Variants in CLCN5 observed in about 807,000 individuals in gnomAD.
The protein encoded by CLCN5 is Cl-/H+ antiporter 5, also known as H(+)/Cl(-) exchange transporter 5.
Under a neutral mutation model 54.0 loss-of-function variants are expected in CLCN5, and 17 were observed. The observed-to-expected ratio is 0.31, with a 90% CI of 0.22 to 0.47. The LOEUF is 0.47. CLCN5 is among the 20% of genes least tolerant of loss of function. The pLI, the probability that CLCN5 is intolerant of heterozygous loss-of-function variation, is 1.00. For missense variants in CLCN5, 448 were observed against 646.7 expected (o/e 0.69, Z 3.33); for synonymous variants, 222 against 233.0 (o/e 0.95, Z 0.43).
chrX:49,988,141 C>T (rs1251041171), intron 3 of CLCN5, among the ~76,000 whole-genome samples: 7 of 111,237 alleles, frequency 6.3e-5, no homozygotes, highest in Non-Finnish European at 1.3e-4. Flanking sequence ...CTTTTTATGT[C>T]TGGCCTCCAG....
At position 50,090,207 on chromosome X, in the gene CLCN5, C is replaced by G; in HGVS notation, c.1836C>G (p.Ala612=). 2 of 1,211,462 alleles carry G rather than the reference C, an allele frequency of 1.7e-6. No homozygotes were observed. The highest frequency in any genetic ancestry group is 2.2e-6 in the Non-Finnish European group (2 of 895,188). ...LEYIVPLMAA[A]MTSKWVADAL... Reference sequence around the variant, plus strand: ...ACATCGTGCCTCTGATGGCTGCAGCCATGACAAGCAAGTGGGTGGCAGATG... The same window carrying G: ...ACATCGTGCCTCTGATGGCTGCAGCGATGACAAGCAAGTGGGTGGCAGATG... Residue 612 remains alanine (A), a synonymous_variant, in exon 13 of 15, where the codon GCC becomes GCG. Transcript: ENST00000376091.
intron 3 of CLCN5, among the ~76,000 whole-genome samples, chrX:50,006,413 T>C (rs1930151200): frequency 9.0e-6 from 1 of 111,291 alleles, no homozygotes; most frequent in African/African-American, 3.3e-5. Flanking sequence ...GAGCAGAGAG[T>C]GCCTGTCACC....
At chrX:49,923,827 A>G (rs1925193563) in intron 2 of CLCN5, 1 of 112,338 alleles carries the variant, frequency 8.9e-6, no homozygotes, top group South Asian at 3.6e-4. Flanking sequence ...GGACTGGTGT[A>G]CACATTAACC....
intron 3 of CLCN5, among the ~76,000 whole-genome samples, chrX:50,027,331 T>C (rs1931460490): frequency 8.9e-6 from 1 of 111,748 alleles, no homozygotes; most frequent in South Asian, 3.7e-4. Context: ...TGTATTTCTT[T>C]CTTCTCCTTC....
At chrX:49,935,490 T>TAAGAGG (rs1925901561) in intron 3 of CLCN5, among the ~76,000 whole-genome samples, 1 of 112,320 alleles carries the variant, frequency 8.9e-6, no homozygotes, top group Non-Finnish European at 1.9e-5. Context: ...TCTTAAGCCT[T>TAAGAGG]GCAGTCTCAT....
At chrX:49,922,866 AC>A (rs1272987406) in intron 1 of CLCN5, 74 bp downstream of exon 1, 2 of 111,193 alleles carry the variant, frequency 1.8e-5, no homozygotes, top group Admixed American at 9.4e-5. Flanking sequence ...CCCCCGGAGC[AC>A]CCCCTAAGCG....
At chrX:49,936,278 G>C (rs1557169671) in intron 3 of CLCN5, among the ~76,000 whole-genome samples, 1 of 111,509 alleles carries the variant, frequency 9.0e-6, no homozygotes. Context: ...GTGTCTCTTT[G>C]ATCAATGCCT....
At chrX:50,067,048 A>G (rs183805021) in intron 4 of CLCN5, among the ~76,000 whole-genome samples, 1 of 111,594 alleles carries the variant, frequency 9.0e-6, no homozygotes, top group South Asian at 3.8e-4. Flanking sequence ...CCCCTCCCAC[A>G]TGGCAGCCCT....
chrX:49,928,781 C>T (rs944146812), intron 3 of CLCN5, among the ~76,000 whole-genome samples: 4 of 111,312 alleles, frequency 3.6e-5, no homozygotes, highest in African/African-American at 9.8e-5. Flanking sequence ...AAAAGTTAGT[C>T]GGGCATGGTG....
At chrX:50,090,574 AAT>A in intron 13 of CLCN5, 60 bp downstream of exon 13, 1 of 1,164,982 alleles carries the variant, frequency 8.6e-7, no homozygotes, top group Non-Finnish European at 1.2e-6. Flanking sequence ...ATATGCCTGA[AAT>A]GGGGGAAGAC....
chrX:50,049,809 A>G (rs1317877148), intron 4 of CLCN5, among the ~76,000 whole-genome samples: 1 of 111,961 alleles, frequency 8.9e-6, no homozygotes, highest in African/African-American at 3.2e-5. Context: ...TATCATGTAG[A>G]ATAGTTTCAC....
intron 3 of CLCN5, among the ~76,000 whole-genome samples, chrX:50,018,070 T>G (rs1347742478): frequency 2.7e-5 from 3 of 112,001 alleles, no homozygotes; most frequent in African/African-American, 9.7e-5. Context: ...TGGGAAAAAC[T>G]TACTTCTTGA....
intron 3 of CLCN5, among the ~76,000 whole-genome samples, chrX:50,034,594 G>A (rs146979304): frequency 3.2e-4 from 36 of 111,622 alleles, no homozygotes; most frequent in African/African-American, 1.0e-3. Flanking sequence ...ATTTTCATTT[G>A]TGGGGTCGTG....
At chrX:50,006,631 G>C (rs1246977070) in intron 3 of CLCN5, among the ~76,000 whole-genome samples, 1 of 111,674 alleles carries the variant, frequency 9.0e-6, no homozygotes, top group Non-Finnish European at 1.9e-5. Flanking sequence ...TATCCTTGGG[G>C]TACAGGTGCC....
At chrX:50,086,937 G>A in intron 11 of CLCN5, 67 bp downstream of exon 11, 26 of 1,003,744 alleles carry the variant, frequency 2.6e-5, no homozygotes, top group Non-Finnish European at 3.2e-5. Flanking sequence ...CAGAGCCCAG[G>A]TATCATACAA....
At chrX:50,052,722 G>A (rs1557188527) in intron 4 of CLCN5, among the ~76,000 whole-genome samples, 1 of 111,036 alleles carries the variant, frequency 9.0e-6, no homozygotes. Flanking sequence ...ATAATAATAG[G>A]GAATACATTT....
intron 2 of CLCN5, among the ~76,000 whole-genome samples, chrX:49,924,761 T>G (rs1020748387): frequency 9.0e-6 from 1 of 111,590 alleles, no homozygotes; most frequent in South Asian, 3.8e-4. Context: ...CCAAACTTTA[T>G]TCATAAACTT....
chrX:50,072,668 G>C (rs990757836), intron 6 of CLCN5, 80 bp downstream of exon 6: 5 of 725,681 alleles, frequency 6.9e-6, no homozygotes, highest in African/African-American at 4.1e-5. Flanking sequence ...GCTGAGTCAC[G>C]TACTGTGTTT....
intron 3 of CLCN5, among the ~76,000 whole-genome samples, chrX:49,992,661 C>T (rs1929322754): frequency 9.0e-6 from 1 of 111,680 alleles, no homozygotes; most frequent in Non-Finnish European, 1.9e-5. Context: ...ATGTTGTTTT[C>T]TTTATTTTTT....
Sources: allele counts gnomAD v4.1 joint callset (sites outside exome capture counted in the v4.1 genomes callset), GRCh38; gene constraint gnomAD v4.1.1; transcripts MANE v1.5; gene names NCBI Gene and HGNC (gene_info 2026-07-23, HGNC 2026-07-21).